HIRA: variants seen among roughly 807,000 people sequenced by gnomAD.
The protein encoded by HIRA is histone cell cycle regulator, also known as protein HIRA.
In HIRA, 13 loss-of-function variants were observed where a neutral mutation model predicts 126.6. That is an observed-to-expected ratio of 0.10 (90% CI 0.07 to 0.16). The LOEUF (loss-of-function observed/expected upper bound fraction) is 0.16, where lower values mean the gene tolerates loss of function less well. Ranked by LOEUF, HIRA falls within the 10% of genes least tolerant of loss-of-function variation. HIRA has a pLI of 1.00. For synonymous variants in HIRA, 511 were observed against 520.0 expected (o/e 0.98, Z 0.24); for missense variants, 834 against 1,314.4 (o/e 0.63, Z 5.65).
Position 19,331,450 on chromosome 22 carries a change from C to G in HIRA, c.3044G>C (p.Arg1015Thr), listed in dbSNP as rs1219239784. 1.9e-6 allele frequency: 3 copies of G among 1,614,002 alleles called. No homozygotes were observed. The highest frequency in any genetic ancestry group is 2.5e-6 in the Non-Finnish European group (3 of 1,180,020). ...GCAGGCTGGGGCAGGCTACTTGTCCCTCAGGATGTCGAGCTGTTCCTGACA... is the reference window on the plus strand; with the variant it reads ...GCAGGCTGGGGCAGGCTACTTGTCCGTCAGGATGTCGAGCTGTTCCTGACA... The part of the protein sequence containing the change: ...TECQEQLDIL[R>T]DK Residue 1015 changes from arginine to threonine, a missense_variant, in exon 25 of 25, where the codon AGG becomes ACG. By Grantham distance (71) the Arg-to-Thr change is moderately conservative. Around this residue, in one of 5 missense-constraint regions of HIRA, gnomAD observed 58 missense variants for 114.5 expected, o/e 0.51. Transcript: ENST00000263208.
intron 1 of HIRA, among the ~76,000 whole-genome samples, chr22:19,419,365 C>T (rs1399081874): frequency 2.0e-5 from 3 of 152,146 alleles, no homozygotes; most frequent in Non-Finnish European, 4.4e-5. Flanking sequence ...CGCTGGTCTT[C>T]CTCTTTTCTT....
chr22:19,396,817 C>T lies in HIRA; in HGVS notation c.624G>A (p.Leu208=), dbSNP rs2146230790. Residue 208 remains leucine (L), a synonymous_variant, in exon 7 of 25, where the codon TTG becomes TTA. Coordinates refer to ENST00000263208, the MANE Select transcript of HIRA (RefSeq NM_003325.4). ...CAAAAGGCTTGGTGATGCTGGTCTC[C>T]AACTGCCAGTCCAGCGTCCTCCACA... ...LKVWRTLDWQ[L]ETSITKPFDE... is the part of the protein sequence containing the mutation. 1 of 1,614,196 alleles carries T rather than the reference C, an allele frequency of 6.2e-7. No individual in the cohort carries two copies. The highest frequency in any genetic ancestry group is 2.2e-5 in the East Asian group (1 of 44,860).
At chr22:19,389,270 G>A (rs1013564404) in intron 9 of HIRA, among the ~76,000 whole-genome samples, 1 of 152,052 alleles carries the variant, frequency 6.6e-6, no homozygotes, top group African/African-American at 2.4e-5. Flanking sequence ...CATGCACTGT[G>A]CATATTCTCT....
intron 20 of HIRA, 81 bp downstream of exon 20, chr22:19,356,147 GCT>G: frequency 7.6e-7 from 1 of 1,309,360 alleles, no homozygotes; most frequent in Non-Finnish European, 1.1e-6. Flanking sequence ...CCAGAGCCTG[GCT>G]CTCTGAGCGG....
At chr22:19,353,916 C>T (rs573676943) in intron 22 of HIRA, 80 bp downstream of exon 22, 32 of 1,521,072 alleles carry the variant, frequency 2.1e-5, no homozygotes, top group Admixed American at 1.1e-4. Flanking sequence ...CAGGCCTGGG[C>T]AGGGACTGTG....
chr22:19,395,856 CACTT>C (rs1319828618), intron 7 of HIRA, among the ~76,000 whole-genome samples: 1 of 152,208 alleles, frequency 6.6e-6, no homozygotes, highest in Non-Finnish European at 1.5e-5. Context: ...ATACAGTAGA[CACTT>C]AATAAATGTC....
At chr22:19,380,830 G>A (rs2089066330) in intron 13 of HIRA, among the ~76,000 whole-genome samples, 1 of 152,226 alleles carries the variant, frequency 6.6e-6, no homozygotes, top group South Asian at 2.1e-4. Context: ...CACCATGTTG[G>A]CCAGGCTGGT....
chr22:19,332,811 A>T (rs530519218), intron 24 of HIRA, among the ~76,000 whole-genome samples: 32 of 152,106 alleles, frequency 2.1e-4, no homozygotes, highest in African/African-American at 7.5e-4. Flanking sequence ...AAAGGACATG[A>T]GAAAAAAACA....
intron 18 of HIRA, among the ~76,000 whole-genome samples, chr22:19,357,840 G>A (rs1202400730): frequency 6.6e-6 from 1 of 152,222 alleles, no homozygotes; most frequent in East Asian, 1.9e-4. Context: ...TAAGGAAGGA[G>A]CTCTGCCAAC....
chr22:19,399,055 C>A, intron 5 of HIRA: 2 of 861,464 alleles, frequency 2.3e-6, no homozygotes, highest in Middle Eastern at 5.9e-4. Flanking sequence ...TGATAAACTG[C>A]TGCAACACCA....
chr22:19,346,445 G>T (rs1193087706), intron 24 of HIRA, among the ~76,000 whole-genome samples: 1 of 152,226 alleles, frequency 6.6e-6, no homozygotes, highest in Non-Finnish European at 1.5e-5. Flanking sequence ...TAGATGAAAA[G>T]ACAGTAAACA....
intron 4 of HIRA, 108 bp downstream of exon 4, chr22:19,407,076 G>T: frequency 1.1e-6 from 1 of 880,086 alleles, no homozygotes; most frequent in Non-Finnish European, 1.9e-6. Context: ...TACTTATGAG[G>T]TCAGGGCTAT....
In HIRA at chr22:19,372,665, G is replaced by A. The variant is rs906307650; in HGVS notation, c.1775+2966C>T. ...CTGCTCACTGCAACCTCTGTCCCCC[G>A]AGTTTAAGTGATTCTCTTGTCTCAG... On this transcript the variant is annotated intron_variant, in intron 15 of 24. Coordinates refer to ENST00000263208, the MANE Select transcript of HIRA (RefSeq NM_003325.4). Among the ~76,000 whole-genome samples the A allele has an allele frequency of 3.8e-4, 57 of 150,516 alleles. 1 individual carries two copies. The highest frequency in any genetic ancestry group is 5.3e-4 in the Non-Finnish European group (36 of 67,836).
At chr22:19,372,422 T>C (rs915190386) in intron 15 of HIRA, among the ~76,000 whole-genome samples, 1 of 152,226 alleles carries the variant, frequency 6.6e-6, no homozygotes, top group Admixed American at 6.5e-5. Context: ...TTTTAAGCTG[T>C]GTTATTCGTC....
At chr22:19,393,654 C>T (rs939005064) in intron 8 of HIRA, among the ~76,000 whole-genome samples, 2 of 152,164 alleles carry the variant, frequency 1.3e-5, no homozygotes, top group African/African-American at 2.4e-5. Flanking sequence ...CCGTGTCCGG[C>T]CGATACTTAT....
chr22:19,402,455 T>C (rs2089276846), intron 5 of HIRA, among the ~76,000 whole-genome samples: 1 of 152,234 alleles, frequency 6.6e-6, no homozygotes, highest in African/African-American at 2.4e-5. Flanking sequence ...ATTCTCTTTT[T>C]ATCATTAGAT....
intron 15 of HIRA, among the ~76,000 whole-genome samples, chr22:19,364,724 C>A (rs2088896426): frequency 6.6e-6 from 1 of 152,156 alleles, no homozygotes. Flanking sequence ...CCCAGGCCTC[C>A]CTATTATCTG....
intron 5 of HIRA, chr22:19,399,318 C>T (rs1001049163): frequency 9.9e-6 from 2 of 201,262 alleles, no homozygotes; most frequent in African/African-American, 4.8e-5. Flanking sequence ...TGTATTTTTT[C>T]CAGTTAAAAA....
chr22:19,381,569 C>T (rs1273286570), intron 13 of HIRA, among the ~76,000 whole-genome samples: 2 of 147,718 alleles, frequency 1.4e-5, no homozygotes, highest in African/African-American at 2.7e-5. Flanking sequence ...TCTACTGATA[C>T]GTAGAATTAA....
Sources: gnomAD v4.1 joint callset for allele counts (sites outside exome capture counted in the v4.1 genomes callset) on GRCh38, gnomAD v4.1.1 for gene constraint, gnomAD v4.1.1 regional missense constraint, MANE v1.5 for transcripts, NCBI Gene and HGNC (gene_info 2026-07-23, HGNC 2026-07-21) for gene names.